The following SLC25A48 variants were observed in gnomAD, a reference collection of about 807,000 sequenced individuals.
SLC25A48 encodes solute carrier family 25 member 48.
Under a neutral mutation model 32.2 loss-of-function variants are expected in SLC25A48, and 29 were observed. That is an observed-to-expected ratio of 0.90 (90% CI 0.67 to 1.23). The LOEUF is 1.23. Ranked by LOEUF, SLC25A48 falls within the 50% of genes most tolerant of loss-of-function variation. The probability of loss-of-function intolerance (pLI) is 0.00; values close to 1 mark genes in which losing one functional copy is unlikely to be tolerated. For missense variants in SLC25A48, 399 were observed against 422.7 expected, an observed-to-expected ratio of 0.94 and a Z score of 0.49; for synonymous variants, 164 against 172.3, an observed-to-expected ratio of 0.95 and a Z score of 0.38.
chr5:135,650,066 C>A, intron 3 of SLC25A48: 1 of 177,620 alleles, frequency 5.6e-6, no homozygotes, highest in South Asian at 1.1e-4. Context: ...TATGATCATT[C>A]ATATTCTTCA....
At chr5:135,666,222 G>A (rs1002411040) in intron 3 of SLC25A48, among the ~76,000 whole-genome samples, 4 of 152,194 alleles carry the variant, frequency 2.6e-5, no homozygotes, top group Non-Finnish European at 4.4e-5. Flanking sequence ...CATCCACAAA[G>A]TGGGGGAAAC....
intron 3 of SLC25A48, among the ~76,000 whole-genome samples, chr5:135,709,489 C>G (rs1480630363): frequency 6.6e-6 from 1 of 152,210 alleles, no homozygotes; most frequent in Non-Finnish European, 1.5e-5. Flanking sequence ...ACACCCCACC[C>G]CAAAGGTTCG....
At chr5:135,614,345 T>C (rs1159013444) in intron 1 of SLC25A48, among the ~76,000 whole-genome samples, 1 of 152,204 alleles carries the variant, frequency 6.6e-6, no homozygotes, top group Admixed American at 6.5e-5. Context: ...AGATATAATA[T>C]CATATTATAT....
At position 135,780,232 on chromosome 5, in the gene SLC25A48, G is replaced by A. The variant is rs10477774; in HGVS notation, c.-520-32291G>A. On this transcript the variant is annotated intron_variant, in intron 3 of 10. Coordinates refer to the SLC25A48 transcript ENST00000646290. The stretch of plus-strand genomic sequence containing the variant: ...CTCTCAAGTAGCTGGGACTACAGGC[G>A]CCCGCCACCACGGCCGGTTAATTTT... 9.6e-3 allele frequency among the ~76,000 whole-genome samples: 858 copies of A among 89,214 alleles called. 75 individuals carry two copies. Among genetic ancestry groups the A allele is most frequent in the African/African-American group, 0.026 (818 of 30,938 alleles). 58.5% of individuals were successfully genotyped at this position (89,214 alleles called of 152,430 possible).
chr5:135,713,443 T>C (rs1403028316), intron 3 of SLC25A48, among the ~76,000 whole-genome samples: 1 of 152,198 alleles, frequency 6.6e-6, no homozygotes, highest in Non-Finnish European at 1.5e-5. Flanking sequence ...CCAGCAGCCC[T>C]GATGAGGCTT....
intron 4 of SLC25A48, among the ~76,000 whole-genome samples, chr5:135,861,266 A>T (rs1170043780): frequency 2.0e-5 from 3 of 152,092 alleles, no homozygotes; most frequent in African/African-American, 7.2e-5. Flanking sequence ...TTTTAAGTAG[A>T]TGGGCAATAT....
chr5:135,595,907 C>A (rs946971904), intron 1 of SLC25A48, among the ~76,000 whole-genome samples: 1 of 152,142 alleles, frequency 6.6e-6, no homozygotes. Context: ...CTAGCAGGCA[C>A]GATCACAAGC....
At chr5:135,670,647 G>A (rs769019589) in intron 3 of SLC25A48, among the ~76,000 whole-genome samples, 3 of 152,194 alleles carry the variant, frequency 2.0e-5, no homozygotes, top group Non-Finnish European at 4.4e-5. Flanking sequence ...TTTGCATGGT[G>A]TGCTGTAAAT....
chr5:135,778,573 C>T lies in SLC25A48; in HGVS notation c.-520-33950C>T, dbSNP rs1756630738. Among the ~76,000 whole-genome samples the T allele has an allele frequency of 2.0e-5, 3 of 150,196 alleles. No homozygotes were observed. The South Asian group carries it at 6.4e-4, about 32-fold the overall frequency. On this transcript the variant is annotated intron_variant, in intron 3 of 10. Transcript: ENST00000646290. ...ATTGTTTTTAATATTTAGAAGGAGA[C>T]AGGATAATATAACTCCCAATATTTC... is the stretch of plus-strand genomic sequence containing the variant.
rs570264000 is a variant in SLC25A48, at chr5:135,816,260, G to C, written c.-117+3334G>C. Among the ~76,000 whole-genome samples the C allele has an allele frequency of 1.8e-4, 28 of 152,296 alleles. No homozygotes were observed. The East Asian group carries it at 5.4e-3, about 29-fold the overall frequency. On this transcript the variant is annotated intron_variant, in intron 4 of 10. Coordinates refer to the SLC25A48 transcript ENST00000646290. ...GAGATTAGATTTGGGTGGGGACACAGAACCAAACCATATCAGATGTGGTAA... is the reference window on the plus strand; with the variant it reads ...GAGATTAGATTTGGGTGGGGACACACAACCAAACCATATCAGATGTGGTAA...
rs73791608 is a variant in SLC25A48 at position 135,858,407 on chromosome 5, G to A, written c.421+5586G>A. Reference sequence around the variant, plus strand: ...CAAGATTGGAGGACCCACCTCTGCCGTGCCCCCACAAGTTTCTGTGATCTG... The same window carrying A: ...CAAGATTGGAGGACCCACCTCTGCCATGCCCCCACAAGTTTCTGTGATCTG... On this transcript the variant is annotated intron_variant, in intron 4 of 7. Coordinates refer to ENST00000681962, the MANE Select transcript of SLC25A48 (RefSeq NM_001349336.2). 9.7e-3 allele frequency among the ~76,000 whole-genome samples: 1,471 copies of A among 152,300 alleles called. 25 individuals are homozygous for A. The highest frequency in any genetic ancestry group is 0.034 in the African/African-American group (1,403 of 41,554).
chr5:135,725,003 G>C (rs763085160), intron 3 of SLC25A48, among the ~76,000 whole-genome samples: 1 of 152,242 alleles, frequency 6.6e-6, no homozygotes, highest in Non-Finnish European at 1.5e-5. Context: ...TCCTGCCAAA[G>C]GGATTTCCTA....
intron 3 of SLC25A48, among the ~76,000 whole-genome samples, chr5:135,653,268 A>G (rs1464865874): frequency 6.6e-6 from 1 of 152,242 alleles, no homozygotes; most frequent in Non-Finnish European, 1.5e-5. Flanking sequence ...AAGTTACTCT[A>G]CTGGCTGGAG....
At chr5:135,721,773 G>A (rs1425593169) in intron 3 of SLC25A48, among the ~76,000 whole-genome samples, 1 of 152,236 alleles carries the variant, frequency 6.6e-6, no homozygotes, top group Admixed American at 6.5e-5. Context: ...AGAACTGTGT[G>A]TCCACAGCAG....
At chr5:135,681,858 G>A (rs1383164865) in intron 3 of SLC25A48, among the ~76,000 whole-genome samples, 1 of 152,116 alleles carries the variant, frequency 6.6e-6, no homozygotes, top group Non-Finnish European at 1.5e-5. Flanking sequence ...CTAAGCATGT[G>A]TAAAATGAGG....
chr5:135,810,093 C>T (rs1400870922), intron 3 of SLC25A48, among the ~76,000 whole-genome samples: 1 of 152,178 alleles, frequency 6.6e-6, no homozygotes, highest in Non-Finnish European at 1.5e-5. Context: ...GAGTCGCAGC[C>T]TCCCAAAGTG....
intron 1 of SLC25A48, among the ~76,000 whole-genome samples, chr5:135,611,496 C>CAAAAAAAAAAAAAAAAA (rs57138043): frequency 2.4e-3 from 52 of 21,350 alleles, no homozygotes; most frequent in Non-Finnish European, 2.8e-3. Flanking sequence ...GACTCCATCT[C>CAAAAAAAAAAAAAAAAA]AAAAAAAAAA....
intron 3 of SLC25A48, among the ~76,000 whole-genome samples, chr5:135,800,282 T>C (rs1015697136): frequency 4.0e-5 from 6 of 151,854 alleles, no homozygotes; most frequent in Non-Finnish European, 7.4e-5. Context: ...AGTCCAAATA[T>C]AGCAAAGGGT....
chr5:135,887,002 C>T (rs1762760204), intron 7 of SLC25A48, among the ~76,000 whole-genome samples: 1 of 152,094 alleles, frequency 6.6e-6, no homozygotes, highest in African/African-American at 2.4e-5. Flanking sequence ...CAGCAGCAGT[C>T]CTCAACAGCA....
Sources: allele counts gnomAD v4.1 joint callset (sites outside exome capture counted in the v4.1 genomes callset), GRCh38; gene constraint gnomAD v4.1.1; transcripts MANE v1.5; gene names NCBI Gene and HGNC (gene_info 2026-07-23, HGNC 2026-07-21).